TMPRSS4: variants seen among roughly 807,000 people sequenced by gnomAD.
TMPRSS4 encodes transmembrane serine protease 4.
TMPRSS4 carries 45 observed loss-of-function variants against 56.4 expected under a neutral mutation model. The ratio of observed to expected loss-of-function variants is 0.80; its 90% CI spans 0.63 to 1.02. The LOEUF (loss-of-function observed/expected upper bound fraction) is 1.02, where lower values mean the gene tolerates loss of function less well. TMPRSS4 is among the 50% of genes least tolerant of loss of function. The pLI is 0.00. For missense variants in TMPRSS4, 546 were observed against 556.7 expected, an observed-to-expected ratio of 0.98 and a Z score of 0.19; for synonymous variants, 205 against 211.0, an observed-to-expected ratio of 0.97 and a Z score of 0.25.
chr11:118,111,980 A>G lies in TMPRSS4; in HGVS notation c.743+80A>G, dbSNP rs550611965. The G allele has an allele frequency of 9.1e-4, 1,402 of 1,543,956 alleles. 29 individuals carry two copies. The South Asian group carries it at 0.016, about 18-fold the overall frequency. ...AGAGCTTGGGGTCCTGTCTCCTGGC[A>G]CCGTCCTTCTCTTCACTCTCCCACT... On this transcript the variant is annotated intron_variant, in intron 8 of 12. Transcript: ENST00000437212.
At chr11:118,114,068 A>T (rs567280926) in intron 9 of TMPRSS4, among the ~76,000 whole-genome samples, 110 of 152,340 alleles carry the variant, frequency 7.2e-4, no homozygotes, top group Middle Eastern at 3.4e-3. Flanking sequence ...AGAAGTTTTT[A>T]AAATAATCTG....
downstream of TMPRSS4, chr11:118,125,149 C>T: frequency 2.4e-6 from 1 of 409,554 alleles, no homozygotes; most frequent in Non-Finnish European, 5.0e-6. Context: ...GCTGACTGCA[C>T]CCAGAGAGCT....
At chr11:118,097,454 T>C (rs1293612983) in intron 2 of TMPRSS4, among the ~76,000 whole-genome samples, 1 of 151,698 alleles carries the variant, frequency 6.6e-6, no homozygotes, top group Non-Finnish European at 1.5e-5. Context: ...GAGGTGAGGG[T>C]AGGAGAGCCG....
chr11:118,077,419 TA>T (rs34249547), intron 1 of TMPRSS4, 114 bp downstream of exon 1: 8 of 1,313,612 alleles, frequency 6.1e-6, no homozygotes, highest in African/African-American at 1.5e-5. Context: ...CCTTCTAGGT[TA>T]AAAAAAGAGG....
chr11:118,118,199 A>G lies in TMPRSS4; in HGVS notation c.*286A>G. ...AAGGTCTCAGGGGTATTGCTAAGCC[A>G]AGAAGGAACTTTCCCACACTACTGA... On this transcript the variant is annotated 3_prime_UTR_variant, in exon 13 of 13. Transcript: ENST00000437212. 1 of 1,350,282 alleles carries G rather than the reference A, an allele frequency of 7.4e-7. No homozygotes were observed. Among genetic ancestry groups the G allele is most frequent in the South Asian group, 1.9e-5 (1 of 52,232 alleles). The allele number at this position is 1,350,282 out of a possible 1,614,324, so 83.6% of individuals were successfully genotyped here.
intron 2 of TMPRSS4, 118 bp downstream of exon 2, chr11:118,094,973 G>T (rs753768994): frequency 2.9e-6 from 3 of 1,051,236 alleles, no homozygotes; most frequent in Non-Finnish European, 4.3e-6. Flanking sequence ...TAAGTGCCAT[G>T]AGTGACATCC....
intron 1 of TMPRSS4, among the ~76,000 whole-genome samples, chr11:118,089,909 C>A (rs1945828084): frequency 6.6e-6 from 1 of 152,104 alleles, no homozygotes; most frequent in Admixed American, 6.6e-5. Flanking sequence ...TGCTGTGGCA[C>A]CATCTCACTC....
chr11:118,077,392 C>T, intron 1 of TMPRSS4, 87 bp downstream of exon 1: 3 of 1,441,264 alleles, frequency 2.1e-6, no homozygotes, highest in Non-Finnish European at 2.8e-6. Flanking sequence ...CATCCATCAG[C>T]TGAGAATTCT....
rs190338633 is a variant in TMPRSS4 at position 118,118,178 on chromosome 11, T to C, written c.*265T>C. On this transcript the variant is annotated 3_prime_UTR_variant, in exon 13 of 13. Transcript: ENST00000437212. ...GAGAGACACAGCCCACTGAACAAGGTCTCAGGGGTATTGCTAAGCCAAGAA... is the reference window on the plus strand; with the variant it reads ...GAGAGACACAGCCCACTGAACAAGGCCTCAGGGGTATTGCTAAGCCAAGAA... 5.0e-6 allele frequency: 7 copies of C among 1,390,058 alleles called. No individual in the cohort carries two copies. In the Admixed American group the frequency reaches 1.9e-4, roughly 37 times the overall value. 86.1% of individuals were successfully genotyped at this position (1,390,058 alleles called of 1,614,324 possible).
intron 1 of TMPRSS4, among the ~76,000 whole-genome samples, chr11:118,082,434 G>A (rs1264132303): frequency 1.3e-5 from 2 of 152,030 alleles, no homozygotes; most frequent in African/African-American, 4.8e-5. Context: ...AGTAGCTCAC[G>A]CCTGTAATCC....
At chr11:118,077,654 G>A (rs1944764831) in intron 1 of TMPRSS4, among the ~76,000 whole-genome samples, 1 of 152,146 alleles carries the variant, frequency 6.6e-6, no homozygotes, top group South Asian at 2.1e-4. Flanking sequence ...CAAGGCAGGG[G>A]GCTGTTCTGA....
intron 1 of TMPRSS4, among the ~76,000 whole-genome samples, chr11:118,090,795 C>A (rs1273914551): frequency 6.7e-6 from 1 of 148,630 alleles, no homozygotes; most frequent in African/African-American, 2.5e-5. Flanking sequence ...TTCTTTCTCT[C>A]TCACTCTGTC....
intron 7 of TMPRSS4, 127 bp downstream of exon 7, chr11:118,109,023 G>C: frequency 1.9e-6 from 2 of 1,072,182 alleles, no homozygotes; most frequent in Non-Finnish European, 2.7e-6. Context: ...CAGCCCTTGG[G>C]CTTGTCGGTC....
rs558171032 is a variant in TMPRSS4, at chr11:118,108,838, G to C, written c.543-18G>C. The C allele has an allele frequency of 6.2e-7, 1 of 1,613,756 alleles. No individual in the cohort carries two copies. The highest frequency in any genetic ancestry group is 1.7e-5 in the Admixed American group (1 of 59,980). On this transcript the variant is annotated intron_variant, in intron 6 of 12. Coordinates refer to ENST00000437212, the MANE Select transcript of TMPRSS4 (RefSeq NM_019894.4). ...GAGGAAGAAGCTTAAATCACAGGGC[G>C]CTGTGTCTGTCTTCCAGGCCCTGTC...
intron 3 of TMPRSS4, among the ~76,000 whole-genome samples, chr11:118,101,217 A>T (rs1946711519): frequency 6.6e-6 from 1 of 152,148 alleles, no homozygotes; most frequent in East Asian, 1.9e-4. Context: ...CCCTGTTTGT[A>T]ATGTGAGTTA....
Position 118,104,585 on chromosome 11 carries a change from C to T in TMPRSS4, c.311-106C>T, listed in dbSNP as rs1946890262. The T allele has an allele frequency of 3.2e-6, 5 of 1,552,690 alleles. No homozygotes were observed. In the East Asian group the frequency reaches 1.1e-4, roughly 35 times the overall value. ...GAAAGTGTTGGGGCTCTGTGGCACC[C>T]CCAGTTCTAGGTTGGGGGAGCTTGG... On this transcript the variant is annotated intron_variant, in intron 4 of 12. Transcript: ENST00000437212.
At position 118,107,560 on chromosome 11, in the gene TMPRSS4, A is replaced by C. The variant is rs1947056548; in HGVS notation, c.441-214A>C. On this transcript the variant is annotated intron_variant, in intron 5 of 12. Transcript: ENST00000437212. The stretch of plus-strand genomic sequence containing the variant: ...AGAAAGCAAGTTACATCAGCAATGC[A>C]CTGAGGGTTGAGTCCTGGGATGCCA... 3 of 452,742 alleles carry C rather than the reference A, an allele frequency of 6.6e-6. No homozygotes were observed. In the South Asian group the frequency reaches 1.4e-4, roughly 21 times the overall value. 28.0% of individuals were successfully genotyped at this position (452,742 alleles called of 1,614,324 possible).
intron 1 of TMPRSS4, among the ~76,000 whole-genome samples, chr11:118,090,641 G>T (rs573422255): frequency 1.3e-5 from 2 of 151,526 alleles, no homozygotes; most frequent in South Asian, 2.1e-4. Flanking sequence ...AGCTGGGCGT[G>T]ATGGTGCATG....
At position 118,104,697 on chromosome 11, in the gene TMPRSS4, T is replaced by A. The variant is rs1245306945; in HGVS notation, c.317T>A (p.Leu106His). ...CAGGTTCCTTTCCTCCCAGTCCGCC[T>A]CTCCAAGGACCGATCCACACTGCAG... ...FPEGPAVAVRLSKDRSTLQVL... is the reference protein window; with the variant it reads ...FPEGPAVAVRHSKDRSTLQVL... The change falls in exon 5 of 13, where the codon CTC becomes CAC. Residue 106 changes from leucine (L) to histidine (H), a missense_variant. Physicochemically the swap from Leu to His is moderately conservative, Grantham distance 99 (BLOSUM62 -3). Transcript: ENST00000437212. 2 of 1,612,784 alleles carry A rather than the reference T, an allele frequency of 1.2e-6. No individual in the cohort carries two copies. Among genetic ancestry groups the A allele is most frequent in the African/African-American group, 2.7e-5 (2 of 74,434 alleles).
Sources: allele counts gnomAD v4.1 joint callset (sites outside exome capture counted in the v4.1 genomes callset), GRCh38; gene constraint gnomAD v4.1.1; transcripts MANE v1.5; gene names NCBI Gene and HGNC (gene_info 2026-07-23, HGNC 2026-07-21).